ADCY7: variants seen among roughly 807,000 people sequenced by gnomAD.
ADCY7 encodes the protein adenylate cyclase 7.
ADCY7 carries 72 observed loss-of-function variants against 120.6 expected under a neutral mutation model. That is an observed-to-expected ratio of 0.60 (90% CI 0.49 to 0.73). The LOEUF (loss-of-function observed/expected upper bound fraction) is 0.73, where lower values mean the gene tolerates loss of function less well. Among genes scored for constraint, ADCY7 ranks in the 30% least tolerant of loss-of-function variants. The probability of loss-of-function intolerance (pLI) is 0.00; values close to 1 mark genes in which losing one functional copy is unlikely to be tolerated. For synonymous variants in ADCY7, 661 were observed against 628.0 expected (o/e 1.05, Z -0.78); for missense variants, 1,227 against 1,486.0 (o/e 0.83, Z 2.87).
intron 1 of ADCY7, among the ~76,000 whole-genome samples, chr16:50,285,766 A>C (rs1433312408): frequency 6.6e-6 from 1 of 152,154 alleles, no homozygotes; most frequent in African/African-American, 2.4e-5. Flanking sequence ...CCAAGTCCCC[A>C]TTGCTGTGTG....
intron 1 of ADCY7, among the ~76,000 whole-genome samples, chr16:50,276,485 G>C (rs2033900286): frequency 6.6e-6 from 1 of 152,216 alleles, no homozygotes; most frequent in African/African-American, 2.4e-5. Context: ...ACCCCCAACT[G>C]AATCCTTTCA....
chr16:50,310,868 AC>A lies in ADCY7; in HGVS notation c.2343del (p.Asn781LysfsTer15). The A allele has an allele frequency of 2.5e-6, 4 of 1,606,220 alleles. No individual in the cohort carries two copies. Among genetic ancestry groups the A allele is most frequent in the Non-Finnish European group, 3.4e-6 (4 of 1,176,872 alleles). On this transcript the variant is annotated frameshift_variant, in exon 19 of 26. Transcript: ENST00000673801. LOFTEE classifies it high-confidence loss of function. ...GQGLGNLTKP[N>X]GTTSGTPSCS... ...GGCCTGGGCAACCTCACCAAGCCCA[AC>A]GGCACCACCAGGTGGGGTCCCGCCC...
intron 1 of ADCY7, among the ~76,000 whole-genome samples, chr16:50,255,201 G>T (rs1251610516): frequency 6.6e-6 from 1 of 151,436 alleles, no homozygotes; most frequent in African/African-American, 2.4e-5. Flanking sequence ...GGAGGCTGAG[G>T]TGGGAGGATT....
intron 7 of ADCY7, among the ~76,000 whole-genome samples, chr16:50,295,662 G>T (rs372838957): frequency 2.6e-5 from 4 of 152,110 alleles, no homozygotes; most frequent in Non-Finnish European, 5.9e-5. Flanking sequence ...AAGGGCACAA[G>T]GTCTGACATG....
chr16:50,303,155 G>T (rs2035841208), intron 10 of ADCY7, among the ~76,000 whole-genome samples: 1 of 152,218 alleles, frequency 6.6e-6, no homozygotes, highest in South Asian at 2.1e-4. Flanking sequence ...TAGGTGCTGT[G>T]TAGGCAGAGT....
rs541714151 is a variant in ADCY7 at position 50,272,378 on chromosome 16, A to C, written c.-269+5698A>C. ...CCCCTGTAACTGGCCAGCTTTCCTC[A>C]TGCTGGCCTCTGAAACAACCTAGTC... On this transcript the variant is annotated intron_variant, in intron 1 of 25. Coordinates refer to ENST00000673801, the MANE Select transcript of ADCY7 (RefSeq NM_001114.5). 5.9e-5 allele frequency among the ~76,000 whole-genome samples: 9 copies of C among 152,174 alleles called. No homozygotes were observed. The South Asian group carries it at 1.9e-3, about 32-fold the overall frequency.
At chr16:50,299,963 C>T (rs566846080) in intron 8 of ADCY7, among the ~76,000 whole-genome samples, 73 of 152,266 alleles carry the variant, frequency 4.8e-4, no homozygotes, top group Admixed American at 7.2e-4. Context: ...CTCCCAGGGC[C>T]CCTGCTTCCC....
At chr16:50,314,848 C>T (rs2036712207) in intron 24 of ADCY7, 166 bp from the exon 25 acceptor site, 1 of 901,254 alleles carries the variant, frequency 1.1e-6, no homozygotes, top group Admixed American at 2.4e-5. Flanking sequence ...CCTCCTCATA[C>T]CCCAAGCCCG....
chr16:50,288,772 C>T (rs2034745555), intron 2 of ADCY7, among the ~76,000 whole-genome samples: 1 of 152,170 alleles, frequency 6.6e-6, no homozygotes, highest in African/African-American at 2.4e-5. Context: ...GCCACCATGC[C>T]CGGCCAATGC....
intron 1 of ADCY7, among the ~76,000 whole-genome samples, chr16:50,256,485 T>A (rs1392470053): frequency 5.3e-5 from 8 of 152,132 alleles, no homozygotes; most frequent in African/African-American, 1.9e-4. Flanking sequence ...GGAGGATTGC[T>A]TGAGCCTGGG....
intron 19 of ADCY7, among the ~76,000 whole-genome samples, chr16:50,311,365 C>G (rs1468778671): frequency 6.6e-6 from 1 of 152,156 alleles, no homozygotes; most frequent in Non-Finnish European, 1.5e-5. Context: ...TGCCCCGCAC[C>G]TGCAAAATCC....
In ADCY7 at chr16:50,309,480, C is replaced by T. The variant is rs2036302654; in HGVS notation, c.2062-68C>T. On this transcript the variant is annotated intron_variant, in intron 17 of 25. Transcript: ENST00000673801. ...GATACTCATGGTTGCCTGGGGCCCA[C>T]CTTGCATGGCTTGGGCAGGTTCCAG... 4.4e-6 allele frequency: 6 copies of T among 1,369,224 alleles called. No individual in the cohort carries two copies. In the Admixed American group the frequency reaches 7.2e-5, roughly 16 times the overall value. 84.8% of individuals were successfully genotyped at this position (1,369,224 alleles called of 1,614,324 possible).
rs150887897 is a variant in ADCY7 at position 50,291,869 on chromosome 16, C to T, written c.509C>T (p.Thr170Met). 1.0e-4 allele frequency: 168 copies of T among 1,613,304 alleles called. No homozygotes were observed. The highest frequency in any genetic ancestry group is 3.3e-4 in the Middle Eastern group (2 of 6,038). Residue 170 changes from threonine to methionine, a missense_variant, in exon 4 of 26, where the codon ACG (threonine) becomes ATG (methionine). Thr to Met is a moderately conservative substitution (Grantham distance 81). Around this residue, in one of 5 missense-constraint regions of ADCY7, gnomAD observed 382 missense variants for 411.4 expected, o/e 0.93. Transcript: ENST00000673801. ...LVLGSLMGGF[T>M]TPSVRVGLQL... ...CTCGGTTCTTTGATGGGAGGCTTCA[C>T]GACACCCAGTGTCCGGGTGGGGCTG...
At chr16:50,314,911 G>A in intron 24 of ADCY7, 103 bp from the exon 25 acceptor site, 2 of 1,484,824 alleles carry the variant, frequency 1.3e-6, no homozygotes, top group South Asian at 2.6e-5. Context: ...TAGTTGTTTT[G>A]TCCCCGCATC....
chr16:50,292,663 TG>T lies in ADCY7; in HGVS notation c.538-12del. 1 of 1,613,086 alleles carries T rather than the reference TG, an allele frequency of 6.2e-7. No individual in the cohort carries two copies. The highest frequency in any genetic ancestry group is 8.5e-7 in the Non-Finnish European group (1 of 1,179,480). Reference sequence around the variant, plus strand: ...CAGGCCACATAATGAGCCAAACCCCTGTCTACCCGCAGCTGCTGGCCAACGC... The same window carrying T: ...CAGGCCACATAATGAGCCAAACCCCTTCTACCCGCAGCTGCTGGCCAACGC... On this transcript the variant is annotated splice_polypyrimidine_tract_variant and intron_variant, in intron 4 of 25. Transcript: ENST00000673801.
At chr16:50,255,289 A>T (rs1290040949) in intron 1 of ADCY7, among the ~76,000 whole-genome samples, 1 of 149,666 alleles carries the variant, frequency 6.7e-6, no homozygotes, top group African/African-American at 2.4e-5. Context: ...AGAGTGAGCC[A>T]ATTAAAATAT....
rs1468634886 is a variant in ADCY7, at chr16:50,275,884, A to AC, written c.-269+9209dup. ...CCCTGGCTAGAAATGGAGCGAGAGC[A>AC]CCCCCGCCCACCACCCTTGGGTAGC... On this transcript the variant is annotated intron_variant, in intron 1 of 25. Transcript: ENST00000673801. Among the ~76,000 whole-genome samples the AC allele has an allele frequency of 5.9e-5, 9 of 152,026 alleles. No homozygotes were observed. The East Asian group carries it at 1.7e-3, about 29-fold the overall frequency.
intron 1 of ADCY7, among the ~76,000 whole-genome samples, chr16:50,275,188 C>A (rs1458712875): frequency 6.6e-6 from 1 of 152,234 alleles, no homozygotes; most frequent in African/African-American, 2.4e-5. Context: ...CAGGCCTCTC[C>A]TCTCACCTCC....
At position 50,310,566 on chromosome 16, in the gene ADCY7, G is replaced by C. The variant is rs934591257; in HGVS notation, c.2161-121G>C. The stretch of plus-strand genomic sequence containing the variant: ...CTCATTGTTTTTTGTTGAGAAGGGA[G>C]GTGGTAAGGCAAGAGCGTGATGCTG... On this transcript the variant is annotated intron_variant, in intron 18 of 25. Coordinates refer to ENST00000673801, the MANE Select transcript of ADCY7 (RefSeq NM_001114.5). The C allele has an allele frequency of 3.2e-6, 5 of 1,564,888 alleles. No homozygotes were observed. In the Admixed American group the frequency reaches 9.5e-5, roughly 30 times the overall value.
Sources: gnomAD v4.1 joint callset for allele counts (sites outside exome capture counted in the v4.1 genomes callset) on GRCh38, gnomAD v4.1.1 for gene constraint, gnomAD v4.1.1 regional missense constraint, MANE v1.5 for transcripts, NCBI Gene and HGNC (gene_info 2026-07-23, HGNC 2026-07-21) for gene names.